MYH15: variants seen among roughly 807,000 people sequenced by gnomAD.
The protein encoded by MYH15 is myosin heavy chain 15.
Under a neutral mutation model 240.5 loss-of-function variants are expected in MYH15, and 227 were observed. That is an observed-to-expected ratio of 0.94 (90% confidence interval 0.85 to 1.05). The LOEUF is 1.05. MYH15 is among the 50% of genes least tolerant of loss of function. The probability of loss-of-function intolerance (pLI) is 0.00; values close to 1 mark genes in which losing one functional copy is unlikely to be tolerated. For synonymous variants in MYH15, 785 were observed against 796.7 expected (o/e 0.99, Z 0.25); for missense variants, 2,217 against 2,247.5 (o/e 0.99, Z 0.27).
chr3:108,536,688 AGAGT>A, the MYH15 span, among the ~76,000 whole-genome samples: 1 of 152,160 alleles, frequency 6.6e-6, no homozygotes, highest in African/African-American at 2.4e-5. Flanking sequence ...CAGTGACAAA[AGAGT>A]AAGTGGGGTA....
chr3:108,391,650 A>T, intron 37 of MYH15, 110 bp downstream of exon 37: 1 of 1,186,366 alleles, frequency 8.4e-7, no homozygotes, highest in South Asian at 1.5e-5. Flanking sequence ...TACTAAAAGC[A>T]AAAGTGATAA....
chr3:108,505,697 C>A, intron 2 of MYH15, 26 bp downstream of exon 2: 1 of 1,355,700 alleles, frequency 7.4e-7, no homozygotes, highest in South Asian at 1.2e-5. Context: ...ATAGTCATCA[C>A]TGCAATGAAA....
chr3:108,418,395 G>A (rs139523677), intron 28 of MYH15, among the ~76,000 whole-genome samples: 132 of 152,256 alleles, frequency 8.7e-4, no homozygotes, highest in Middle Eastern at 3.4e-3. Context: ...ACATATTAGC[G>A]AATACAATTT....
chr3:108,497,615 C>T (rs532941220), intron 6 of MYH15, among the ~76,000 whole-genome samples: 1 of 151,948 alleles, frequency 6.6e-6, no homozygotes, highest in Admixed American at 6.6e-5. Context: ...ATTCATTGGG[C>T]ATTTAGAATT....
chr3:108,418,980 T>C (rs1010804271), intron 28 of MYH15, among the ~76,000 whole-genome samples: 2 of 152,162 alleles, frequency 1.3e-5, no homozygotes, highest in East Asian at 3.9e-4. Context: ...CTCAAACTCC[T>C]TGCCTCAAGT....
intron 21 of MYH15, among the ~76,000 whole-genome samples, chr3:108,446,491 G>A (rs375141471): frequency 3.1e-4 from 47 of 152,248 alleles, no homozygotes; most frequent in African/African-American, 9.9e-4. Context: ...ACCAAAAGGT[G>A]TACTACTTCA....
intron 27 of MYH15, among the ~76,000 whole-genome samples, chr3:108,421,651 A>G (rs2082685405): frequency 6.6e-6 from 1 of 152,140 alleles, no homozygotes; most frequent in Non-Finnish European, 1.5e-5. Context: ...CACATAGGAG[A>G]GCAATATGCA....
intron 11 of MYH15, among the ~76,000 whole-genome samples, chr3:108,483,391 T>A (rs889187793): frequency 2.0e-5 from 3 of 151,074 alleles, no homozygotes; most frequent in African/African-American, 7.3e-5. Flanking sequence ...AAGATACCAC[T>A]TTATACCCAT....
At chr3:108,405,697 T>C (rs1414923552) in intron 32 of MYH15, among the ~76,000 whole-genome samples, 1 of 152,208 alleles carries the variant, frequency 6.6e-6, no homozygotes, top group Non-Finnish European at 1.5e-5. Flanking sequence ...TTTTAAAGCC[T>C]ATTTTAAAAT....
At chr3:108,528,088 T>C (rs371559071) in intron 1 of MYH15, among the ~76,000 whole-genome samples, 22 of 152,170 alleles carry the variant, frequency 1.4e-4, no homozygotes, top group African/African-American at 4.3e-4. Context: ...GAAGCCCTCA[T>C]GACCTAATCG....
intron 1 of MYH15, among the ~76,000 whole-genome samples, chr3:108,510,132 C>CTT (rs2083510491): frequency 6.6e-6 from 1 of 152,158 alleles, no homozygotes; most frequent in South Asian, 2.1e-4. Context: ...CTAGGAAAGG[C>CTT]TTTGTCTGGC....
intron 28 of MYH15, among the ~76,000 whole-genome samples, chr3:108,420,590 C>G (rs553599758): frequency 6.6e-6 from 1 of 152,032 alleles, no homozygotes; most frequent in Non-Finnish European, 1.5e-5. Context: ...ACGTGGCCAA[C>G]GCAGATTGAG....
At chr3:108,451,169 C>T (rs2082970429) in intron 21 of MYH15, among the ~76,000 whole-genome samples, 1 of 152,044 alleles carries the variant, frequency 6.6e-6, no homozygotes, top group Admixed American at 6.6e-5. Flanking sequence ...CACGTGAGGC[C>T]AAGAGTTTGA....
chr3:108,467,741 G>A (rs2083131968), intron 14 of MYH15, among the ~76,000 whole-genome samples: 1 of 152,094 alleles, frequency 6.6e-6, no homozygotes, highest in Admixed American at 6.6e-5. Context: ...AATGCCTTAT[G>A]TATAACCATA....
intron 25 of MYH15, among the ~76,000 whole-genome samples, chr3:108,433,646 C>A (rs2082800374): frequency 6.6e-6 from 1 of 152,142 alleles, no homozygotes; most frequent in South Asian, 2.1e-4. Flanking sequence ...GAGTAAGTCT[C>A]TTGAGATCTG....
At chr3:108,466,476 C>T (rs1171355149) in intron 14 of MYH15, among the ~76,000 whole-genome samples, 1 of 152,164 alleles carries the variant, frequency 6.6e-6, no homozygotes, top group Non-Finnish European at 1.5e-5. Context: ...TAAGGCCCAA[C>T]ATTATGTGTG....
chr3:108,496,245 C>T lies in MYH15; in HGVS notation c.619-373G>A, dbSNP rs139005985. Among the ~76,000 whole-genome samples the T allele has an allele frequency of 6.1e-3, 932 of 152,300 alleles. 9 individuals carry two copies. Among genetic ancestry groups the T allele is most frequent in the African/African-American group, 0.018 (753 of 41,568 alleles). ...TCATTAATCTTCCTCTCTTCCCATCCGATCTTTGCACTTGGAAATTTATCC... is the reference window on the plus strand; with the variant it reads ...TCATTAATCTTCCTCTCTTCCCATCTGATCTTTGCACTTGGAAATTTATCC... On this transcript the variant is annotated intron_variant, in intron 6 of 40. Transcript: ENST00000693548.
chr3:108,523,673 T>C (rs1187287943), intron 1 of MYH15, among the ~76,000 whole-genome samples: 2 of 152,004 alleles, frequency 1.3e-5, no homozygotes, highest in Non-Finnish European at 1.5e-5. Context: ...TTCTTGCTTT[T>C]ATTCACCCCA....
At chr3:108,504,702 G>A (rs933377917) in intron 2 of MYH15, among the ~76,000 whole-genome samples, 8 of 152,120 alleles carry the variant, frequency 5.3e-5, no homozygotes, top group Admixed American at 1.3e-4. Flanking sequence ...AATGGGGCCC[G>A]GCTTACACCA....
Sources: allele counts gnomAD v4.1 joint callset (sites outside exome capture counted in the v4.1 genomes callset), GRCh38; gene constraint gnomAD v4.1.1; transcripts MANE v1.5; gene names NCBI Gene and HGNC (gene_info 2026-07-23, HGNC 2026-07-21).